The following PPP1R21 variants were observed in gnomAD, a reference collection of about 807,000 sequenced individuals.
PPP1R21 encodes protein phosphatase 1 regulatory subunit 21, also known as KLRAQ motif containing 1.
In PPP1R21, 85 loss-of-function variants were observed where a neutral mutation model predicts 112.8. The ratio of observed to expected loss-of-function variants is 0.75; its 90% CI spans 0.63 to 0.90. PPP1R21 has a LOEUF of 0.90. Ranked by LOEUF, PPP1R21 falls within the 40% of genes least tolerant of loss-of-function variation. The probability of loss-of-function intolerance (pLI) is 0.00; values close to 1 mark genes in which losing one functional copy is unlikely to be tolerated. For missense variants in PPP1R21, 1,199 were observed against 901.5 expected, an observed-to-expected ratio of 1.33 and a Z score of -4.23; for synonymous variants, 381 against 322.3, an observed-to-expected ratio of 1.18 and a Z score of -1.95.
chr2:48,478,931 C>G (rs909343459), intron 12 of PPP1R21, among the ~76,000 whole-genome samples: 12 of 152,172 alleles, frequency 7.9e-5, no homozygotes, highest in African/African-American at 2.9e-4. Flanking sequence ...TGGGCTAAAT[C>G]TCTATGGGCT....
chr2:48,454,517 A>G (rs1296020481), intron 2 of PPP1R21, 78 bp from the exon 3 acceptor site: 12 of 1,528,912 alleles, frequency 7.8e-6, no homozygotes, highest in African/African-American at 1.4e-5. Context: ...ATTTTGGTGA[A>G]ATAGAAATAA....
chr2:48,454,778 C>T (rs375414092), intron 3 of PPP1R21, 37 bp downstream of exon 3: 18 of 1,527,352 alleles, frequency 1.2e-5, no homozygotes, highest in African/African-American at 6.8e-5. Context: ...GTGACCTTGT[C>T]GTTAGTTACT....
intron 15 of PPP1R21, among the ~76,000 whole-genome samples, chr2:48,493,187 A>T (rs1038897587): frequency 1.3e-5 from 2 of 151,688 alleles, no homozygotes. Context: ...TTGTACTTTT[A>T]GTAGAGACGG....
At chr2:48,474,475 C>G (rs1016680263) in intron 11 of PPP1R21, among the ~76,000 whole-genome samples, 1 of 152,136 alleles carries the variant, frequency 6.6e-6, no homozygotes, top group Non-Finnish European at 1.5e-5. Context: ...ATCTGTTATT[C>G]CATTTAGTCA....
chr2:48,512,616 T>C (rs1184769686), intron 21 of PPP1R21, among the ~76,000 whole-genome samples: 1 of 152,232 alleles, frequency 6.6e-6, no homozygotes, highest in African/African-American at 2.4e-5. Context: ...AAATACGTCA[T>C]GTTAATGCAT....
intron 19 of PPP1R21, among the ~76,000 whole-genome samples, chr2:48,509,572 G>A (rs1558530343): frequency 1.3e-5 from 2 of 151,854 alleles, no homozygotes; most frequent in East Asian, 1.9e-4. Flanking sequence ...GGGTGTGGTG[G>A]TGCATGCCTG....
chr2:48,499,527 A>C (rs1366456816), intron 17 of PPP1R21, among the ~76,000 whole-genome samples: 1 of 152,234 alleles, frequency 6.6e-6, no homozygotes, highest in East Asian at 1.9e-4. Context: ...CTTTGAGACC[A>C]GCTGGGCAGC....
At chr2:48,474,460 C>T (rs983512498) in intron 11 of PPP1R21, among the ~76,000 whole-genome samples, 3 of 152,152 alleles carry the variant, frequency 2.0e-5, no homozygotes, top group African/African-American at 7.2e-5. Context: ...TGGACATATG[C>T]CTTTATCTGT....
At chr2:48,441,096 C>T in intron 1 of PPP1R21, 86 bp downstream of exon 1, 1 of 940,180 alleles carries the variant, frequency 1.1e-6, no homozygotes. Flanking sequence ...CCTAGGGGTA[C>T]TGCGGGAGGG....
intron 9 of PPP1R21, among the ~76,000 whole-genome samples, chr2:48,466,360 C>T (rs1000746857): frequency 6.6e-6 from 1 of 152,024 alleles, no homozygotes; most frequent in African/African-American, 2.4e-5. Flanking sequence ...TACAGGCGTG[C>T]ACCACCACAC....
chr2:48,496,108 T>C (rs1450239929), intron 16 of PPP1R21, among the ~76,000 whole-genome samples: 1 of 152,224 alleles, frequency 6.6e-6, no homozygotes, highest in East Asian at 1.9e-4. Context: ...CTCTGAGTTA[T>C]TTTTATTTCT....
intron 14 of PPP1R21, 141 bp from the exon 15 acceptor site, chr2:48,490,877 G>C: frequency 1.5e-6 from 1 of 669,982 alleles, no homozygotes; most frequent in Non-Finnish European, 2.5e-6. Context: ...ATAAATAAAT[G>C]TGGACTTTGG....
chr2:48,511,206 T>C, intron 20 of PPP1R21, 134 bp from the exon 21 acceptor site: 1 of 880,300 alleles, frequency 1.1e-6, no homozygotes, highest in African/African-American at 1.7e-5. Flanking sequence ...CTTTTGTAGC[T>C]ATTTTGAAAT....
intron 19 of PPP1R21, among the ~76,000 whole-genome samples, chr2:48,509,700 G>A (rs111692004): frequency 0.21 from 31,117 of 151,478 alleles, 3,616 homozygotes; most frequent in Middle Eastern, 0.31. Context: ...GCAAGACTCC[G>A]TCTCAAAAAA....
chr2:48,467,579 G>C (rs765238418), intron 9 of PPP1R21, among the ~76,000 whole-genome samples: 1 of 152,172 alleles, frequency 6.6e-6, no homozygotes, highest in Admixed American at 6.5e-5. Context: ...CTAGTAGTTG[G>C]CTGGGAACCT....
intron 1 of PPP1R21, among the ~76,000 whole-genome samples, chr2:48,445,614 C>T (rs983411952): frequency 6.6e-6 from 1 of 152,200 alleles, no homozygotes; most frequent in Non-Finnish European, 1.5e-5. Context: ...GGGCAGCCTC[C>T]TCTTCCTGTT....
chr2:48,470,426 G>A (rs926227943), intron 9 of PPP1R21, among the ~76,000 whole-genome samples: 4 of 151,428 alleles, frequency 2.6e-5, no homozygotes, highest in African/African-American at 9.7e-5. Context: ...GCTGAGGCAG[G>A]AGAATTGCTT....
At chr2:48,505,716 A>G (rs1670344647) in intron 18 of PPP1R21, 120 bp downstream of exon 18, 1 of 836,936 alleles carries the variant, frequency 1.2e-6, no homozygotes, top group Non-Finnish European at 2.0e-6. Flanking sequence ...TGACACTTCT[A>G]GCAAATGTGG....
intron 19 of PPP1R21, 22 bp downstream of exon 19, chr2:48,507,407 T>A (rs532067762): frequency 6.3e-7 from 1 of 1,589,318 alleles, no homozygotes; most frequent in East Asian, 2.3e-5. Flanking sequence ...TTTAATTAGA[T>A]TGGTGGTTTT....
Sources: allele counts gnomAD v4.1 joint callset (sites outside exome capture counted in the v4.1 genomes callset), GRCh38; gene constraint gnomAD v4.1.1; transcripts MANE v1.5; gene names NCBI Gene and HGNC (gene_info 2026-07-23, HGNC 2026-07-21).